Variants in WDR72 observed in about 807,000 individuals in gnomAD.
WDR72 encodes the protein WD repeat-containing protein 72.
Under a neutral mutation model 124.2 loss-of-function variants are expected in WDR72, and 120 were observed. The observed-to-expected ratio is 0.97, with a 90% CI of 0.83 to 1.12. The LOEUF (loss-of-function observed/expected upper bound fraction) is 1.12. WDR72 is among the 50% of genes most tolerant of loss of function. The pLI is 0.00. For synonymous variants in WDR72, 452 were observed against 441.7 expected, an observed-to-expected ratio of 1.02 and a Z score of -0.29; for missense variants, 1,387 against 1,278.8, an observed-to-expected ratio of 1.08 and a Z score of -1.29.
At chr15:53,572,635 T>C (rs1894585068) in intron 18 of WDR72, among the ~76,000 whole-genome samples, 1 of 152,192 alleles carries the variant, frequency 6.6e-6, no homozygotes. Context: ...AATGGGATCC[T>C]TGATGCAAGA....
Position 53,610,278 on chromosome 15 carries a change from T to C in WDR72, c.2873-686A>G, listed in dbSNP as rs183627431. Among the ~76,000 whole-genome samples the C allele has an allele frequency of 3.4e-3, 517 of 152,150 alleles. 2 individuals carry two copies. Among genetic ancestry groups the C allele is most frequent in the Non-Finnish European group, 6.3e-3 (426 of 67,982 alleles). Reference sequence around the variant, plus strand: ...GTTCATAGAGTGTCCAGCAGTTTCCTACACAAAAAAGTACTTAATAAGTGC... The same window carrying C: ...GTTCATAGAGTGTCCAGCAGTTTCCCACACAAAAAAGTACTTAATAAGTGC... On this transcript the variant is annotated intron_variant, in intron 16 of 19. Transcript: ENST00000360509.
At position 53,689,601 on chromosome 15, in the gene WDR72, C is replaced by T. The variant is rs1194185642; in HGVS notation, c.1765+10149G>A. On this transcript the variant is annotated intron_variant, in intron 13 of 19. Transcript: ENST00000360509. ...GAGAGGATGTGGAGAAATAGGAACACTTTTACACTGTTGGTAGGACTGTAA... is the reference window on the plus strand; with the variant it reads ...GAGAGGATGTGGAGAAATAGGAACATTTTTACACTGTTGGTAGGACTGTAA... 2.0e-5 allele frequency among the ~76,000 whole-genome samples: 3 copies of T among 146,686 alleles called. No individual in the cohort carries two copies. In the East Asian group the frequency reaches 6.1e-4, roughly 30 times the overall value.
At chr15:53,605,160 A>G (rs1179291190) in intron 17 of WDR72, among the ~76,000 whole-genome samples, 2 of 152,240 alleles carry the variant, frequency 1.3e-5, no homozygotes, top group Non-Finnish European at 2.9e-5. Context: ...ATGCAGCCAT[A>G]AAAGAGAACA....
intron 14 of WDR72, among the ~76,000 whole-genome samples, chr15:53,639,879 T>C (rs2014782991): frequency 3.3e-5 from 5 of 152,084 alleles, no homozygotes; most frequent in Admixed American, 1.3e-4. Flanking sequence ...CATTCTAATA[T>C]CTTAGAGTTC....
rs1365044601 is a variant in WDR72, at chr15:53,515,006, G to A, written c.*2693C>T. 9.0e-5 allele frequency: 3 copies of A among 33,392 alleles called. No individual in the cohort carries two copies. Among genetic ancestry groups the A allele is most frequent in the Admixed American group, 7.8e-4 (3 of 3,840 alleles). The allele number at this position is 33,392 out of a possible 1,614,324, so 2.1% of individuals were successfully genotyped here. Reference sequence around the variant, plus strand: ...AATATGATATTCCTTTGGGGGATATGCCATATATATATATATATACACACA... The same window carrying A: ...AATATGATATTCCTTTGGGGGATATACCATATATATATATATATACACACA... On this transcript the variant is annotated 3_prime_UTR_variant, in exon 20 of 20. Transcript: ENST00000360509.
At chr15:53,657,706 T>C (rs2015477440) in intron 14 of WDR72, among the ~76,000 whole-genome samples, 1 of 152,158 alleles carries the variant, frequency 6.6e-6, no homozygotes, top group Non-Finnish European at 1.5e-5. Flanking sequence ...TAAATATTTA[T>C]TCACTGAAAA....
Position 53,715,383 on chromosome 15 carries a change from G to C in WDR72, c.340-16C>G, listed in dbSNP as rs201127666. On this transcript the variant is annotated splice_polypyrimidine_tract_variant and intron_variant, in intron 4 of 19. Transcript: ENST00000360509. Reference sequence around the variant, plus strand: ...AGTGGTAATACTACGTACATGGAAAGCAAAGCAAACATTTAATTATCACTA... The same window carrying C: ...AGTGGTAATACTACGTACATGGAAACCAAAGCAAACATTTAATTATCACTA... 1 of 1,613,864 alleles carries C rather than the reference G, an allele frequency of 6.2e-7. No individual in the cohort carries two copies. Among genetic ancestry groups the C allele is most frequent in the Non-Finnish European group, 8.5e-7 (1 of 1,179,852 alleles).
At chr15:53,543,771 A>C (rs1232561298) in intron 18 of WDR72, among the ~76,000 whole-genome samples, 1 of 152,176 alleles carries the variant, frequency 6.6e-6, no homozygotes, top group Admixed American at 6.5e-5. Context: ...AAAAAAAGAG[A>C]GAAGAATCTA....
intron 2 of WDR72, among the ~76,000 whole-genome samples, chr15:53,730,584 T>A (rs1402289008): frequency 6.6e-6 from 1 of 152,140 alleles, no homozygotes; most frequent in Admixed American, 6.5e-5. Flanking sequence ...AAACTTAGTA[T>A]GAAGAGAAAA....
intron 1 of WDR72, among the ~76,000 whole-genome samples, chr15:53,738,615 A>G (rs1327321282): frequency 6.6e-6 from 1 of 151,442 alleles, no homozygotes; most frequent in Non-Finnish European, 1.5e-5. Flanking sequence ...TGTTTGTTTG[A>G]GATGGAGTCT....
chr15:53,636,002 G>C (rs1267440536), intron 14 of WDR72, among the ~76,000 whole-genome samples: 1 of 152,092 alleles, frequency 6.6e-6, no homozygotes, highest in African/African-American at 2.4e-5. Context: ...CCATTTGCAA[G>C]CTGGGAATAC....
At chr15:53,734,056 C>A (rs1422197042) in intron 1 of WDR72, among the ~76,000 whole-genome samples, 1 of 152,166 alleles carries the variant, frequency 6.6e-6, no homozygotes, top group Non-Finnish European at 1.5e-5. Context: ...TTCTGTCCTG[C>A]AGGATTTCTG....
intron 6 of WDR72, among the ~76,000 whole-genome samples, chr15:53,713,618 A>AT (rs570465603): frequency 0.011 from 1,598 of 144,914 alleles, 21 homozygotes; most frequent in South Asian, 0.053. Flanking sequence ...TCCCTGCTAA[A>AT]TTTTTTTTTT....
intron 18 of WDR72, among the ~76,000 whole-genome samples, chr15:53,587,731 T>C (rs1436937895): frequency 3.3e-5 from 5 of 152,046 alleles, no homozygotes; most frequent in East Asian, 1.9e-4. Flanking sequence ...GAAGTTTATA[T>C]AGACCATGTT....
chr15:53,737,872 T>A (rs146902279), intron 1 of WDR72, among the ~76,000 whole-genome samples: 2 of 152,176 alleles, frequency 1.3e-5, no homozygotes, highest in Non-Finnish European at 2.9e-5. Context: ...AGACCACGCA[T>A]ACAACATTTA....
At chr15:53,556,777 G>T (rs549861583) in intron 18 of WDR72, among the ~76,000 whole-genome samples, 6 of 152,162 alleles carry the variant, frequency 3.9e-5, no homozygotes, top group African/African-American at 1.4e-4. Context: ...CTACAACATG[G>T]TTCAAAACCT....
At chr15:53,586,259 T>C (rs2012209658) in intron 18 of WDR72, among the ~76,000 whole-genome samples, 1 of 152,042 alleles carries the variant, frequency 6.6e-6, no homozygotes, top group African/African-American at 2.4e-5. Flanking sequence ...ACCTCATGTA[T>C]GTGAAAGTGA....
At chr15:53,543,889 G>A (rs1442108829) in intron 18 of WDR72, among the ~76,000 whole-genome samples, 3 of 152,214 alleles carry the variant, frequency 2.0e-5, no homozygotes, top group South Asian at 4.2e-4. Flanking sequence ...ACACCTCTAC[G>A]CAAATAAACT....
intron 14 of WDR72, among the ~76,000 whole-genome samples, chr15:53,646,363 T>C (rs963376443): frequency 1.3e-5 from 2 of 152,092 alleles, no homozygotes; most frequent in Non-Finnish European, 2.9e-5. Context: ...CTCTCAGCAA[T>C]CAACTAAATT....
Sources: gnomAD v4.1 joint callset for allele counts (sites outside exome capture counted in the v4.1 genomes callset) on GRCh38, gnomAD v4.1.1 for gene constraint, MANE v1.5 for transcripts, NCBI Gene and HGNC (gene_info 2026-07-23, HGNC 2026-07-21) for gene names.